Variants in RABGAP1L observed in about 807,000 individuals in gnomAD.
RABGAP1L encodes rab GTPase-activating protein 1-like.
In RABGAP1L, 63 loss-of-function variants were observed where a neutral mutation model predicts 137.7. The ratio of observed to expected loss-of-function variants is 0.46; its 90% CI spans 0.37 to 0.56. RABGAP1L has a LOEUF of 0.56. RABGAP1L is among the 20% of genes least tolerant of loss of function. RABGAP1L has a pLI of 0.00. For synonymous variants in RABGAP1L, 431 were observed against 433.7 expected (o/e 0.99, Z 0.08); for missense variants, 1,095 against 1,244.0 (o/e 0.88, Z 1.80).
chr1:174,213,292 G>A (rs1669040954), intron 1 of RABGAP1L, among the ~76,000 whole-genome samples: 1 of 152,180 alleles, frequency 6.6e-6, no homozygotes, highest in East Asian at 1.9e-4. Context: ...GGGCACGGTG[G>A]TGCATGCCTG....
chr1:174,215,970 G>A lies in RABGAP1L; in HGVS notation c.-33-3155G>A, dbSNP rs190810167. Among the ~76,000 whole-genome samples, 11 of 152,314 alleles carry A rather than the reference G, an allele frequency of 7.2e-5. No individual in the cohort carries two copies. In the East Asian group the frequency reaches 2.1e-3, roughly 29 times the overall value. On this transcript the variant is annotated intron_variant, in intron 1 of 25. Transcript: ENST00000681986. ...TGGAGTACTATTCAGCCATAAAGAA[G>A]AAGGAGATCCTGTCATTTTGCAGCA...
intron 13 of RABGAP1L, among the ~76,000 whole-genome samples, chr1:174,429,007 A>G (rs1652284111): frequency 6.6e-6 from 1 of 152,310 alleles, no homozygotes; most frequent in East Asian, 1.9e-4. Context: ...TTTAAAAAGC[A>G]CTATTACAGC....
rs542988932 is a variant in RABGAP1L, at chr1:174,816,027, T to G, written c.2340+4067T>G. Among the ~76,000 whole-genome samples, 4 of 152,296 alleles carry G rather than the reference T, an allele frequency of 2.6e-5. No homozygotes were observed. The East Asian group carries it at 7.7e-4, about 29-fold the overall frequency. The stretch of plus-strand genomic sequence containing the variant: ...ATTTTTGCCTTATAGTTAAAAATGC[T>G]GCCATTGCAGAGCTTCTTAAACTTG... On this transcript the variant is annotated intron_variant, in intron 19 of 25. Coordinates refer to ENST00000681986, the MANE Select transcript of RABGAP1L (RefSeq NM_001366446.1).
chr1:174,953,723 C>T (rs1295175348), intron 19 of RABGAP1L, among the ~76,000 whole-genome samples: 2 of 152,104 alleles, frequency 1.3e-5, no homozygotes, highest in African/African-American at 2.4e-5. Flanking sequence ...CTGTGGAATA[C>T]GATGAAACGT....
chr1:174,611,453 C>T (rs938304971), intron 13 of RABGAP1L, among the ~76,000 whole-genome samples: 5 of 150,902 alleles, frequency 3.3e-5, no homozygotes, highest in East Asian at 1.9e-4. Context: ...GTTTTGGTTA[C>T]TGTAGCCTTG....
At chr1:174,627,392 T>G (rs574469847) in intron 13 of RABGAP1L, among the ~76,000 whole-genome samples, 3 of 152,338 alleles carry the variant, frequency 2.0e-5, no homozygotes, top group African/African-American at 7.2e-5. Flanking sequence ...TTTCTCACAA[T>G]GAGCAAGTAA....
At chr1:174,367,477 G>A (rs564264558) in intron 11 of RABGAP1L, 24 of 203,994 alleles carry the variant, frequency 1.2e-4, no homozygotes, top group African/African-American at 3.1e-4. Flanking sequence ...GGCCTCTTCC[G>A]AAAAGAAAAG....
At chr1:174,189,953 C>T (rs914063784) in intron 1 of RABGAP1L, among the ~76,000 whole-genome samples, 1 of 152,126 alleles carries the variant, frequency 6.6e-6, no homozygotes, top group African/African-American at 2.4e-5. Flanking sequence ...AGCCTCTTTG[C>T]CATGTGATTC....
intron 21 of RABGAP1L, among the ~76,000 whole-genome samples, chr1:174,972,853 CAAAAA>C (rs373159573): frequency 1.9e-3 from 100 of 52,818 alleles, no homozygotes; most frequent in Non-Finnish European, 3.0e-3. Flanking sequence ...GACTCTGTCT[CAAAAA>C]AAAAAAAAAA....
At chr1:174,468,117 TTAAGA>T (rs1218792116) in intron 13 of RABGAP1L, among the ~76,000 whole-genome samples, 23 of 152,210 alleles carry the variant, frequency 1.5e-4, no homozygotes, top group African/African-American at 1.4e-4. Context: ...ATTTTGAGAC[TTAAGA>T]TAAATTATTG....
At chr1:174,168,891 TTTCTTACATGTATAGA>T (rs1393052175) in intron 1 of RABGAP1L, among the ~76,000 whole-genome samples, 1 of 152,234 alleles carries the variant, frequency 6.6e-6, no homozygotes, top group East Asian at 1.9e-4. Context: ...CAAGTGCAGA[TTTCTTACATGTATAGA>T]TTCTTACATG....
intron 13 of RABGAP1L, chr1:174,449,296 T>C (rs1333947865): frequency 5.9e-6 from 6 of 1,017,792 alleles, no homozygotes; most frequent in Non-Finnish European, 8.7e-6. Context: ...TTTACTTGAA[T>C]AGTTGACTGT....
chr1:174,979,041 C>T (rs1052016939), intron 23 of RABGAP1L, among the ~76,000 whole-genome samples, 151 bp downstream of exon 23: 1 of 151,962 alleles, frequency 6.6e-6, no homozygotes, highest in African/African-American at 2.4e-5. Flanking sequence ...TTTAGTTAGC[C>T]AGGCACAGTG....
At chr1:174,700,487 T>C (rs1320407003) in intron 16 of RABGAP1L, 1 of 152,306 alleles carries the variant, frequency 6.6e-6, no homozygotes, top group Non-Finnish European at 1.5e-5. Context: ...TAGGAGCTCA[T>C]TGATATGAAC....
intron 18 of RABGAP1L, chr1:174,800,266 C>T (rs1688635364): frequency 6.8e-7 from 1 of 1,475,638 alleles, no homozygotes; most frequent in Admixed American, 2.4e-5. Context: ...GCTCCCCTCC[C>T]ACCGCAGTTC....
intron 19 of RABGAP1L, chr1:174,877,436 G>T: frequency 6.3e-7 from 1 of 1,597,222 alleles, no homozygotes; most frequent in Non-Finnish European, 8.5e-7. Flanking sequence ...ATTTTTCCTT[G>T]GATAGTCTGG....
At chr1:174,282,291 C>T (rs1246518081) in intron 10 of RABGAP1L, among the ~76,000 whole-genome samples, 1 of 152,168 alleles carries the variant, frequency 6.6e-6, no homozygotes, top group Non-Finnish European at 1.5e-5. Flanking sequence ...TCATCCTTGC[C>T]AGCACTTAGT....
chr1:174,440,545 A>G (rs368077314), intron 13 of RABGAP1L, among the ~76,000 whole-genome samples: 3 of 152,148 alleles, frequency 2.0e-5, no homozygotes, highest in South Asian at 2.1e-4. Context: ...TTGAAGGACA[A>G]CAGGTTTACT....
chr1:174,352,129 C>A (rs573985420), intron 11 of RABGAP1L, among the ~76,000 whole-genome samples: 4 of 152,106 alleles, frequency 2.6e-5, no homozygotes, highest in Non-Finnish European at 5.9e-5. Flanking sequence ...TGTTATTATC[C>A]CTTTGAATAC....
Sources: gnomAD v4.1 joint callset for allele counts (sites outside exome capture counted in the v4.1 genomes callset) on GRCh38, gnomAD v4.1.1 for gene constraint, MANE v1.5 for transcripts, NCBI Gene and HGNC (gene_info 2026-07-23, HGNC 2026-07-21) for gene names.